The following TMEM132C variants were observed in gnomAD, a reference collection of about 807,000 sequenced individuals.
TMEM132C encodes protein phosphatase 1, regulatory subunit 152.
A neutral mutation model predicts 61.4 loss-of-function variants in TMEM132C; 29 were observed. The observed-to-expected ratio is 0.47, with a 90% CI of 0.35 to 0.64. The LOEUF is 0.64. Ranked by LOEUF, TMEM132C falls within the 30% of genes least tolerant of loss-of-function variation. The pLI, the probability that TMEM132C is intolerant of heterozygous loss-of-function variation, is 0.00. For missense variants in TMEM132C, 1,408 were observed against 1,476.9 expected (o/e 0.95, Z 0.76); for synonymous variants, 656 against 633.1 (o/e 1.04, Z -0.54).
At chr12:128,615,871 C>T (rs1413254614) in intron 3 of TMEM132C, among the ~76,000 whole-genome samples, 1 of 152,196 alleles carries the variant, frequency 6.6e-6, no homozygotes, top group Non-Finnish European at 1.5e-5. Flanking sequence ...TCATCATCTG[C>T]AGAGCTGGTA....
At chr12:128,606,799 G>C (rs1876442560) in intron 3 of TMEM132C, among the ~76,000 whole-genome samples, 1 of 152,180 alleles carries the variant, frequency 6.6e-6, no homozygotes, top group South Asian at 2.1e-4. Flanking sequence ...AAAGGGGCAG[G>C]TCTCGGTTCC....
intron 2 of TMEM132C, among the ~76,000 whole-genome samples, chr12:128,532,885 A>T (rs574139791): frequency 2.0e-5 from 3 of 152,240 alleles, no homozygotes. Flanking sequence ...AGCAATACCC[A>T]TGCCACGTTT....
At chr12:128,383,249 GTA>G (rs1364689937) in intron 1 of TMEM132C, among the ~76,000 whole-genome samples, 21 of 152,174 alleles carry the variant, frequency 1.4e-4, no homozygotes, top group Admixed American at 9.2e-4. Context: ...TGTGCTCTGT[GTA>G]TATACGTGCA....
chr12:128,696,064 G>A lies in TMEM132C; in HGVS notation c.1890G>A (p.Arg630=). The change falls in exon 7 of 9, where the codon CGG becomes CGA. Residue 630 remains arginine (R), a synonymous_variant. Transcript: ENST00000435159. ...ACGTGGCCACCCTCCAGGACAGCCG[G>A]GTCCTGGTTGGGCGAGAGGTTGGGA... ...EPHVATLQDS[R]VLVGREVGMT... 1.3e-6 allele frequency: 2 copies of A among 1,551,700 alleles called. No individual in the cohort carries two copies. The highest frequency in any genetic ancestry group is 1.7e-6 in the Non-Finnish European group (2 of 1,146,980).
At chr12:128,548,916 TAG>T (rs934241447) in intron 3 of TMEM132C, among the ~76,000 whole-genome samples, 1 of 152,196 alleles carries the variant, frequency 6.6e-6, no homozygotes, top group African/African-American at 2.4e-5. Context: ...AGGATGCGCA[TAG>T]GTTGTATGCT....
At position 128,517,300 on chromosome 12, in the gene TMEM132C, G is replaced by C. The variant is rs539521240; in HGVS notation, c.975-26657G>C. Among the ~76,000 whole-genome samples the C allele has an allele frequency of 1.8e-4, 27 of 151,112 alleles. 1 individual carries two copies. The South Asian group carries it at 4.4e-3, about 25-fold the overall frequency. On this transcript the variant is annotated intron_variant, in intron 2 of 8. Coordinates refer to ENST00000435159, the MANE Select transcript of TMEM132C (RefSeq NM_001136103.3). Reference sequence around the variant, plus strand: ...AATATACAAAAAATTAGCCAGGCAGGGTGACACGCCTGTAATCCCAGCTAC... The same window carrying C: ...AATATACAAAAAATTAGCCAGGCAGCGTGACACGCCTGTAATCCCAGCTAC...
chr12:128,510,745 A>G (rs919480489), intron 2 of TMEM132C, among the ~76,000 whole-genome samples: 2 of 152,226 alleles, frequency 1.3e-5, no homozygotes, highest in African/African-American at 4.8e-5. Flanking sequence ...TTCCCCAGGC[A>G]GGATCAAAGG....
At chr12:128,303,657 C>T (rs556151006) in intron 1 of TMEM132C, among the ~76,000 whole-genome samples, 10 of 152,302 alleles carry the variant, frequency 6.6e-5, no homozygotes, top group South Asian at 2.1e-4. Context: ...TTGCTTGCTA[C>T]GGTAGATTGC....
chr12:128,510,229 T>C (rs773677707), intron 2 of TMEM132C, among the ~76,000 whole-genome samples: 1 of 152,212 alleles, frequency 6.6e-6, no homozygotes, highest in Non-Finnish European at 1.5e-5. Context: ...TTGTGACTTA[T>C]TCTTCCTTTG....
intron 5 of TMEM132C, among the ~76,000 whole-genome samples, chr12:128,682,351 G>T (rs1593146762): frequency 1.3e-5 from 2 of 152,310 alleles, no homozygotes; most frequent in East Asian, 3.9e-4. Flanking sequence ...CATTTCTAAT[G>T]TGGCCTGGGT....
At position 128,342,995 on chromosome 12, in the gene TMEM132C, C is replaced by G. The variant is rs73434644; in HGVS notation, c.86-71737C>G. Among the ~76,000 whole-genome samples the G allele has an allele frequency of 1.9e-3, 295 of 152,240 alleles. 2 individuals are homozygous for G. Among genetic ancestry groups the G allele is most frequent in the African/African-American group, 6.7e-3 (278 of 41,518 alleles). ...TGATCGTGCAAAGTAAGCAGGATCCCCAAGATGTCCCCAGGGAGATGTAGC... is the reference window on the plus strand; with the variant it reads ...TGATCGTGCAAAGTAAGCAGGATCCGCAAGATGTCCCCAGGGAGATGTAGC... On this transcript the variant is annotated intron_variant, in intron 1 of 8. Transcript: ENST00000435159.
At chr12:128,296,699 A>G (rs879694580) in intron 1 of TMEM132C, among the ~76,000 whole-genome samples, 1 of 152,214 alleles carries the variant, frequency 6.6e-6, no homozygotes, top group African/African-American at 2.4e-5. Flanking sequence ...GTCCTCCGTC[A>G]GGTTCATGAC....
intron 2 of TMEM132C, among the ~76,000 whole-genome samples, chr12:128,486,215 G>A (rs1268360479): frequency 6.6e-6 from 1 of 152,112 alleles, no homozygotes; most frequent in Non-Finnish European, 1.5e-5. Flanking sequence ...GTCTTACATC[G>A]AAGTATTACT....
intron 4 of TMEM132C, among the ~76,000 whole-genome samples, chr12:128,647,824 T>G (rs1049073189): frequency 1.3e-5 from 2 of 149,938 alleles, no homozygotes; most frequent in Non-Finnish European, 1.5e-5. Flanking sequence ...CCATCGGCAT[T>G]TGATGTGAGT....
chr12:128,481,705 C>T (rs192901536), intron 2 of TMEM132C, among the ~76,000 whole-genome samples: 3 of 152,322 alleles, frequency 2.0e-5, no homozygotes, highest in East Asian at 3.9e-4. Context: ...CTTAACTTGA[C>T]ATCCATGGTT....
chr12:128,658,160 G>A (rs1244115845), intron 4 of TMEM132C, among the ~76,000 whole-genome samples: 2 of 112,246 alleles, frequency 1.8e-5, no homozygotes, highest in Non-Finnish European at 3.8e-5. Context: ...GAGCAGGGAC[G>A]CAGCTCCCAT....
chr12:128,595,748 T>G lies in TMEM132C; in HGVS notation c.1122-20404T>G, dbSNP rs540495511. On this transcript the variant is annotated intron_variant, in intron 3 of 8. Coordinates refer to ENST00000435159, the MANE Select transcript of TMEM132C (RefSeq NM_001136103.3). ...TGCAGCCCTTTTCTCTTTTCTTTCT[T>G]CTTTGCAACACTTAATGGCAAGGAC... 1.8e-4 allele frequency among the ~76,000 whole-genome samples: 27 copies of G among 152,268 alleles called. 1 individual carries two copies. The South Asian group carries it at 5.4e-3, about 30-fold the overall frequency.
chr12:128,653,149 T>G (rs1358969596), intron 4 of TMEM132C, among the ~76,000 whole-genome samples: 2 of 151,986 alleles, frequency 1.3e-5, no homozygotes, highest in Non-Finnish European at 2.9e-5. Context: ...CTTGAAAATA[T>G]GATGAAAGAA....
intron 2 of TMEM132C, among the ~76,000 whole-genome samples, chr12:128,497,825 C>T (rs1391751770): frequency 2.0e-5 from 3 of 152,148 alleles, no homozygotes; most frequent in African/African-American, 7.2e-5. Flanking sequence ...CTCGGCTGCA[C>T]CCACTGTCCT....
Sources: gnomAD v4.1 joint callset for allele counts (sites outside exome capture counted in the v4.1 genomes callset) on GRCh38, gnomAD v4.1.1 for gene constraint, MANE v1.5 for transcripts, NCBI Gene and HGNC (gene_info 2026-07-23, HGNC 2026-07-21) for gene names.